ANKRD11: variants seen among roughly 807,000 people sequenced by gnomAD.
ANKRD11 encodes the protein ankyrin repeat domain-containing protein 11.
In ANKRD11, 17 loss-of-function variants were observed where a neutral mutation model predicts 195.7. The observed-to-expected ratio is 0.09, with a 90% CI of 0.06 to 0.13. The LOEUF (loss-of-function observed/expected upper bound fraction) is 0.13, where lower values mean the gene tolerates loss of function less well. Ranked by LOEUF, ANKRD11 falls within the 10% of genes least tolerant of loss-of-function variation. The pLI, the probability that ANKRD11 is intolerant of heterozygous loss-of-function variation, is 1.00. For synonymous variants in ANKRD11, 1,953 were observed against 1,528.1 expected (o/e 1.28, Z -6.49); for missense variants, 3,735 against 3,566.1 (o/e 1.05, Z -1.21).
At chr16:89,333,758 G>A (rs1303561175) in intron 2 of ANKRD11, among the ~76,000 whole-genome samples, 2 of 152,114 alleles carry the variant, frequency 1.3e-5, no homozygotes, top group South Asian at 2.1e-4. Context: ...CTGCTTCCAA[G>A]TTTTGGCAAT....
intron 11 of ANKRD11, 162 bp from the exon 12 acceptor site, chr16:89,271,071 C>T (rs937780502): frequency 1.5e-4 from 104 of 701,020 alleles, no homozygotes; most frequent in Non-Finnish European, 1.9e-4. Context: ...GCATGGCAGG[C>T]GCACCCTGCC....
In ANKRD11 at chr16:89,285,835, G is replaced by C. The variant is rs1413022326; in HGVS notation, c.893-186C>G. Among the ~76,000 whole-genome samples the C allele has an allele frequency of 1.3e-5, 2 of 152,244 alleles. No homozygotes were observed. Among genetic ancestry groups the C allele is most frequent in the African/African-American group, 4.8e-5 (2 of 41,464 alleles). Reference sequence around the variant, plus strand: ...GAAACCAGACAGAGCTCAGCTGACAGACAGGGCTGGCATCTTAGAATGAAG... The same window carrying C: ...GAAACCAGACAGAGCTCAGCTGACACACAGGGCTGGCATCTTAGAATGAAG... On this transcript the variant is annotated intron_variant, in intron 8 of 12. Coordinates refer to ENST00000301030, the MANE Select transcript of ANKRD11 (RefSeq NM_013275.6). The surrounding 1 kb of genome is among the most constrained non-coding windows in gnomAD (Gnocchi z 5.6).
Position 89,281,653 on chromosome 16 carries a change from CCGT to C in ANKRD11, c.4886_4888del (p.Asp1629del). On this transcript the variant is annotated inframe_deletion, in exon 9 of 13. Coordinates refer to ENST00000301030, the MANE Select transcript of ANKRD11 (RefSeq NM_013275.6). This position sits in a 1 kb window ranked among gnomAD's most constrained non-coding sequence, Gnocchi z 5.5. ...AGGAATGTCCAGACCCTTCTTCCGC[CCGT>C]CGTCTGCCGGCTTCGCCTTCTCCTT... 2 of 1,614,182 alleles carry C rather than the reference CCGT, an allele frequency of 1.2e-6. No individual in the cohort carries two copies. Among genetic ancestry groups the C allele is most frequent in the East Asian group, 2.2e-5 (1 of 44,874 alleles).
intron 2 of ANKRD11, among the ~76,000 whole-genome samples, chr16:89,335,093 T>C (rs556241610): frequency 6.6e-6 from 1 of 152,286 alleles, no homozygotes; most frequent in Admixed American, 6.5e-5. Flanking sequence ...TAACACTGAT[T>C]GCTGACCACC....
At chr16:89,451,213 C>A (rs2152314819) in intron 1 of ANKRD11, among the ~76,000 whole-genome samples, 2 of 152,222 alleles carry the variant, frequency 1.3e-5, no homozygotes, top group South Asian at 4.1e-4. Context: ...ACAAGTGGGT[C>A]AAGTGCTAAT....
Position 89,279,747 on chromosome 16 carries a change from G to A in ANKRD11, c.6795C>T (p.Ala2265=), listed in dbSNP as rs1459033455. Residue 2265 remains alanine (A), a synonymous_variant, in exon 9 of 13, where the codon GCC becomes GCT. Transcript: ENST00000301030. This position sits in a 1 kb window ranked among gnomAD's most constrained non-coding sequence, Gnocchi z 5.6. Reference sequence around the variant, plus strand: ...GGCCGTCAGGGGCACAGAGGGACGCGGCGGGGGGGCCTTCAGCCTCAGCCC... The same window carrying A: ...GGCCGTCAGGGGCACAGAGGGACGCAGCGGGGGGGCCTTCAGCCTCAGCCC... ...DQGAEAEGPP[A]ASLCAPDGPA... 2 of 1,524,720 alleles carry A rather than the reference G, an allele frequency of 1.3e-6. No individual in the cohort carries two copies. The highest frequency in any genetic ancestry group is 1.8e-6 in the Non-Finnish European group (2 of 1,139,526). 94.4% of individuals were successfully genotyped at this position (1,524,720 alleles called of 1,614,324 possible). A position where few individuals can be genotyped will look rare whatever the true frequency, so the allele number is the denominator to read the frequency against.
chr16:89,455,923 C>T (rs555768489), intron 1 of ANKRD11, among the ~76,000 whole-genome samples: 1 of 152,232 alleles, frequency 6.6e-6, no homozygotes, highest in South Asian at 2.1e-4. Context: ...CACACATGCT[C>T]ACAGCACTAT....
chr16:89,279,774 C>G lies in ANKRD11; in HGVS notation c.6768G>C (p.Gln2256His). The G allele has an allele frequency of 6.5e-7, 1 of 1,529,896 alleles. No individual in the cohort carries two copies. Among genetic ancestry groups the G allele is most frequent in the Non-Finnish European group, 8.8e-7 (1 of 1,141,810 alleles). The allele number at this position is 1,529,896 out of a possible 1,614,324, so 94.8% of individuals were successfully genotyped here. The change falls in exon 9 of 13, where the codon CAG (glutamine) becomes CAC (histidine). Residue 2256 changes from glutamine (Q) to histidine (H), a missense_variant. Physicochemically the swap from Gln to His is conservative, Grantham distance 24 (BLOSUM62 0). Transcript: ENST00000301030. The surrounding 1 kb of genome is among the most constrained non-coding windows in gnomAD (Gnocchi z 5.6). ...CGGGGGGGCCTTCAGCCTCAGCCCC[C>G]TGGTCTCCGCTCCCCAGTGGGCGCT... ...PEQRPLGSGD[Q>H]GAEAEGPPAA...
chr16:89,323,121 C>A (rs891126532), intron 2 of ANKRD11: 5 of 335,254 alleles, frequency 1.5e-5, no homozygotes, highest in African/African-American at 1.1e-4. Context: ...GGCTGTTGTG[C>A]GCTCCGTGGA....
chr16:89,315,197 G>A (rs2036874793), intron 3 of ANKRD11, among the ~76,000 whole-genome samples: 1 of 152,194 alleles, frequency 6.6e-6, no homozygotes, highest in Non-Finnish European at 1.5e-5. Context: ...GGTGGCAGTG[G>A]CAGGAGCTCA....
chr16:89,419,968 G>A (rs550578384), intron 1 of ANKRD11: 3 of 152,372 alleles, frequency 2.0e-5, no homozygotes, highest in East Asian at 1.9e-4. Flanking sequence ...GAGCCCAGAA[G>A]TTGGAGACCA....
intron 2 of ANKRD11, among the ~76,000 whole-genome samples, chr16:89,387,256 G>A (rs1054942073): frequency 6.6e-6 from 1 of 152,092 alleles, no homozygotes; most frequent in African/African-American, 2.4e-5. Context: ...TCTCTCAAGG[G>A]AGAGGCCTGA....
Position 89,282,639 on chromosome 16 carries a change from G to A in ANKRD11, c.3903C>T (p.Ser1301=), listed in dbSNP as rs747708767. ...CCGTGAAGCTGTCAGAGGAGACCTC[G>A]CTGATTTTATCGTTGGAGTCTTCTC... ...EYREDSNDKI[S]EVSSDSFTDR... The change falls in exon 9 of 13, where the codon AGC becomes AGT. Residue 1301 remains serine, a synonymous_variant. Transcript: ENST00000301030. 1.7e-5 allele frequency: 28 copies of A among 1,614,046 alleles called. No homozygotes were observed. The highest frequency in any genetic ancestry group is 2.2e-5 in the South Asian group (2 of 91,076).
At chr16:89,422,680 C>G (rs2042565010) in intron 1 of ANKRD11, among the ~76,000 whole-genome samples, 1 of 152,158 alleles carries the variant, frequency 6.6e-6, no homozygotes, top group Non-Finnish European at 1.5e-5. Context: ...GAGCACCGTC[C>G]GAAACAGAAT....
In ANKRD11 at chr16:89,284,059, T is replaced by G; in HGVS notation, c.2483A>C (p.Asp828Ala). ...CNKNQFLENEDTKFSLSDDQR... is the reference protein window; with the variant it reads ...CNKNQFLENEATKFSLSDDQR... ...ATCGTCAGAAAGGCTAAATTTGGTG[T>G]CTTCATTCTCCAGAAACTGATTTTT... Residue 828 changes from aspartate (D) to alanine (A), a missense_variant, in exon 9 of 13, where the codon GAC (aspartate) becomes GCC (alanine). Coordinates refer to ENST00000301030, the MANE Select transcript of ANKRD11 (RefSeq NM_013275.6). The G allele has an allele frequency of 6.2e-7, 1 of 1,614,168 alleles. No homozygotes were observed. Among genetic ancestry groups the G allele is most frequent in the Non-Finnish European group, 8.5e-7 (1 of 1,180,026 alleles).
At chr16:89,472,220 G>C (rs1175050957) in intron 1 of ANKRD11, among the ~76,000 whole-genome samples, 1 of 152,210 alleles carries the variant, frequency 6.6e-6, no homozygotes, top group Non-Finnish European at 1.5e-5. Flanking sequence ...AGCTAAGGAA[G>C]ACAGAAAAGT....
At chr16:89,475,035 T>G (rs2057210910) in intron 1 of ANKRD11, among the ~76,000 whole-genome samples, 1 of 152,100 alleles carries the variant, frequency 6.6e-6, no homozygotes, top group South Asian at 2.1e-4. Context: ...GGACCTCAAG[T>G]AAGGGGGTGG....
intron 2 of ANKRD11, among the ~76,000 whole-genome samples, chr16:89,353,417 G>C (rs925685546): frequency 1.3e-5 from 2 of 152,106 alleles, no homozygotes; most frequent in Non-Finnish European, 2.9e-5. Context: ...GATCTCAAAA[G>C]TAGAGCTGGA....
Position 89,405,427 on chromosome 16 carries a change from G to A in ANKRD11, c.-60+12857C>T, listed in dbSNP as rs184719528. Reference sequence around the variant, plus strand: ...TAGCCTCGACCTCCTGGGCTCAGGCGATCCTCCCACCTCGGCTTCCCCAAC... The same window carrying A: ...TAGCCTCGACCTCCTGGGCTCAGGCAATCCTCCCACCTCGGCTTCCCCAAC... On this transcript the variant is annotated intron_variant, in intron 2 of 12. Transcript: ENST00000301030. Among the ~76,000 whole-genome samples the A allele has an allele frequency of 5.3e-5, 8 of 151,506 alleles. 1 individual carries two copies. Among genetic ancestry groups the A allele is most frequent in the Admixed American group, 3.9e-4 (6 of 15,232 alleles).
Sources: allele counts gnomAD v4.1 joint callset (sites outside exome capture counted in the v4.1 genomes callset), GRCh38; gene constraint gnomAD v4.1.1; non-coding constraint Gnocchi (gnomAD v3.1); transcripts MANE v1.5; gene names NCBI Gene and HGNC (gene_info 2026-07-23, HGNC 2026-07-21).